Variants in POLR1C observed in about 807,000 individuals in gnomAD.
POLR1C encodes DNA-directed RNA polymerases I and III subunit RPAC1.
A neutral mutation model predicts 38.3 loss-of-function variants in POLR1C; 42 were observed. The observed-to-expected ratio is 1.10, with a 90% CI of 0.86 to 1.42. The LOEUF (loss-of-function observed/expected upper bound fraction) is 1.42. Ranked by LOEUF, POLR1C falls within the 40% of genes most tolerant of loss-of-function variation. POLR1C has a pLI of 0.00. For missense variants in POLR1C, 507 were observed against 450.5 expected, an observed-to-expected ratio of 1.13 and a Z score of -1.14; for synonymous variants, 163 against 163.9, an observed-to-expected ratio of 0.99 and a Z score of 0.04.
chr6:43,560,262 G>A, intron 10 of POLR1C: 1 of 1,612,056 alleles, frequency 6.2e-7, no homozygotes, highest in South Asian at 1.1e-5. Flanking sequence ...TTTCATGCCT[G>A]AAGAGGGCTC....
At chr6:43,561,014 GAGA>G (rs1294453334) in intron 10 of POLR1C, 1 of 1,609,580 alleles carries the variant, frequency 6.2e-7, no homozygotes, top group Non-Finnish European at 8.5e-7. Flanking sequence ...CACCCTGTAG[GAGA>G]AGACCACTAT....
rs185878455 is a variant in POLR1C at position 43,526,846 on chromosome 6, A to G, written c.923-2403A>G. The stretch of plus-strand genomic sequence containing the variant: ...ATCCCAACCTGTCTCTGGCCAGGTG[A>G]GGAAGGAGGAAGATGGGGGTACCGT... On this transcript the variant is annotated intron_variant, in intron 8 of 8. Transcript: ENST00000304004. The G allele has an allele frequency of 2.4e-6, 3 of 1,227,248 alleles. No homozygotes were observed. The African/African-American group carries it at 4.5e-5, about 18-fold the overall frequency. 76.0% of individuals were successfully genotyped at this position (1,227,248 alleles called of 1,614,324 possible). A position where few individuals can be genotyped will look rare whatever the true frequency, so the allele number is the denominator to read the frequency against.
chr6:43,552,682 A>G (rs2127734594), intron 10 of POLR1C, among the ~76,000 whole-genome samples: 1 of 152,258 alleles, frequency 6.6e-6, no homozygotes, highest in East Asian at 1.9e-4. Flanking sequence ...TCCTCTATAC[A>G]TTATTGGATT....
chr6:43,526,528 T>G (rs1582193502), intron 8 of POLR1C: 2 of 748,184 alleles, frequency 2.7e-6, no homozygotes, highest in South Asian at 1.7e-5. Flanking sequence ...GAGGTGGGAG[T>G]ATGATGGAGG....
chr6:43,524,610 G>C, downstream of POLR1C: 1 of 1,613,958 alleles, frequency 6.2e-7, no homozygotes. Flanking sequence ...CTCCATTACA[G>C]CTCTTATCTC....
chr6:43,541,397 G>A (rs1264523729), intron 9 of POLR1C, among the ~76,000 whole-genome samples: 1 of 152,150 alleles, frequency 6.6e-6, no homozygotes, highest in African/African-American at 2.4e-5. Flanking sequence ...TGTATGTACT[G>A]TGTACCCACA....
downstream of POLR1C, chr6:43,526,266 AGTTTACATTCTAACAT>A (rs1227141275): frequency 2.7e-6 from 1 of 368,074 alleles, no homozygotes; most frequent in Non-Finnish European, 5.0e-6. Flanking sequence ...CCCTGATGGG[AGTTTACATTCTAACAT>A]GGGAGATAGG....
chr6:43,554,306 T>C (rs1458244669), intron 10 of POLR1C, among the ~76,000 whole-genome samples: 1 of 151,800 alleles, frequency 6.6e-6, no homozygotes, highest in East Asian at 1.9e-4. Flanking sequence ...AGAGACGAGG[T>C]TTCACCATCT....
intron 9 of POLR1C, among the ~76,000 whole-genome samples, chr6:43,546,234 A>G (rs1794958506): frequency 6.6e-6 from 1 of 152,224 alleles, no homozygotes; most frequent in African/African-American, 2.4e-5. Flanking sequence ...CCTGCTCCCA[A>G]TGAGCAATTC....
At chr6:43,525,086 A>C, downstream of POLR1C, 1 of 1,568,946 alleles carries the variant, frequency 6.4e-7, no homozygotes, top group Non-Finnish European at 8.6e-7. Flanking sequence ...AGGGGCAGGG[A>C]AAAGGGGTGA....
chr6:43,528,522 A>G (rs1416788436), intron 8 of POLR1C, among the ~76,000 whole-genome samples: 2 of 152,190 alleles, frequency 1.3e-5, no homozygotes, highest in African/African-American at 2.4e-5. Flanking sequence ...TAGAGTAAGG[A>G]TAACAGACCC....
chr6:43,517,470 G>A, intron 2 of POLR1C, 93 bp downstream of exon 2: 1 of 1,094,636 alleles, frequency 9.1e-7, no homozygotes, highest in Admixed American at 1.7e-5. Flanking sequence ...GCTCTTGGGG[G>A]TCGCTCCGTT....
chr6:43,546,920 C>T (rs557239157), intron 9 of POLR1C, among the ~76,000 whole-genome samples: 2 of 152,214 alleles, frequency 1.3e-5, no homozygotes, highest in South Asian at 4.1e-4. Flanking sequence ...AGGTGAAGTC[C>T]AAGAGGGATC....
At chr6:43,523,745 A>T (rs768919487), downstream of POLR1C, 19 of 1,502,258 alleles carry the variant, frequency 1.3e-5, no homozygotes, top group Non-Finnish European at 1.8e-5. Context: ...CCAGACCTGG[A>T]TCTCTTTCCA....
chr6:43,531,421 A>G (rs1349804588), downstream of POLR1C: 9 of 1,510,430 alleles, frequency 6.0e-6, no homozygotes, highest in Non-Finnish European at 8.3e-6. Flanking sequence ...ACCCATGGAC[A>G]TTCCTATACA....
At chr6:43,538,659 A>G (rs934385771) in intron 9 of POLR1C, among the ~76,000 whole-genome samples, 2 of 152,108 alleles carry the variant, frequency 1.3e-5, no homozygotes, top group African/African-American at 4.8e-5. Flanking sequence ...TTTCGTCTCT[A>G]TGTTTACAAG....
rs745435024 is a variant in POLR1C at position 43,546,579 on chromosome 6, C to A, written c.*5-4389C>A. 5 of 1,607,516 alleles carry A rather than the reference C, an allele frequency of 3.1e-6. No homozygotes were observed. Among genetic ancestry groups the A allele is most frequent in the Non-Finnish European group, 2.5e-6 (3 of 1,178,014 alleles). On this transcript the variant is annotated intron_variant, in intron 9 of 10. Transcript: ENST00000607635. The stretch of plus-strand genomic sequence containing the variant: ...CCATTATTCTGACTCACCTTATAAG[C>A]GCAAGCAAATTGTCAAGAAGTTTCA...
Position 43,519,724 on chromosome 6 carries a change from G to C in POLR1C, c.268G>C (p.Glu90Gln). The C allele has an allele frequency of 6.2e-7, 1 of 1,614,188 alleles. No homozygotes were observed. The highest frequency in any genetic ancestry group is 2.2e-5 in the East Asian group (1 of 44,888). ...TGGGCAGGTGCCAACTATGGCTGTGGAGAAGGTCCTGGTGTACAATAATAC... is the reference window on the plus strand; with the variant it reads ...TGGGCAGGTGCCAACTATGGCTGTGCAGAAGGTCCTGGTGTACAATAATAC... Reference protein sequence around the residue: ...LLAEVPTMAVEKVLVYNNTSI... With the variant: ...LLAEVPTMAVQKVLVYNNTSI... Residue 90 changes from glutamate (E) to glutamine (Q), a missense_variant, in exon 4 of 9, where the codon GAG becomes CAG. Physicochemically the swap from Glu to Gln is conservative, Grantham distance 29 (BLOSUM62 2). Coordinates refer to ENST00000642195, the MANE Select transcript of POLR1C (RefSeq NM_203290.4).
chr6:43,527,413 A>G (rs1183072888), intron 8 of POLR1C: 3 of 416,474 alleles, frequency 7.2e-6, no homozygotes, highest in African/African-American at 6.2e-5. Flanking sequence ...CTGGGACTAC[A>G]GGCCTGCGCG....
Sources: gnomAD v4.1 joint callset for allele counts (sites outside exome capture counted in the v4.1 genomes callset) on GRCh38, gnomAD v4.1.1 for gene constraint, MANE v1.5 for transcripts, NCBI Gene and HGNC (gene_info 2026-07-23, HGNC 2026-07-21) for gene names.